SEMA3A: variants seen among roughly 807,000 people sequenced by gnomAD.
SEMA3A encodes the protein semaphorin-3A.
A neutral mutation model predicts 97.9 loss-of-function variants in SEMA3A; 29 were observed. That is an observed-to-expected ratio of 0.30 (90% CI 0.22 to 0.40). The LOEUF (loss-of-function observed/expected upper bound fraction) is 0.40. SEMA3A is among the 10% of genes least tolerant of loss of function. The probability of loss-of-function intolerance (pLI) is 1.00; values close to 1 mark genes in which losing one functional copy is unlikely to be tolerated. For synonymous variants in SEMA3A, 321 were observed against 323.7 expected, an observed-to-expected ratio of 0.99 and a Z score of 0.09; for missense variants, 763 against 951.3, an observed-to-expected ratio of 0.80 and a Z score of 2.60.
intron 3 of SEMA3A, among the ~76,000 whole-genome samples, chr7:84,262,498 G>A (rs756136851): frequency 8.1e-4 from 124 of 152,180 alleles, no homozygotes; most frequent in Non-Finnish European, 7.8e-4. Context: ...ACAGGTGTAA[G>A]CCACCATGCC....
intron 4 of SEMA3A, among the ~76,000 whole-genome samples, chr7:84,064,643 T>G (rs1488144153): frequency 1.0e-3 from 151 of 146,340 alleles, no homozygotes; most frequent in African/African-American, 3.3e-3. Flanking sequence ...AAACAGACTT[T>G]AAACCAACAA....
intron 3 of SEMA3A, among the ~76,000 whole-genome samples, chr7:84,289,816 A>G (rs776822522): frequency 1.3e-5 from 2 of 152,168 alleles, no homozygotes; most frequent in Non-Finnish European, 2.9e-5. Flanking sequence ...AAAAGCTTAT[A>G]CATGAATATT....
At chr7:84,366,508 A>G (rs1038888843) in intron 2 of SEMA3A, among the ~76,000 whole-genome samples, 5 of 151,404 alleles carry the variant, frequency 3.3e-5, no homozygotes, top group Non-Finnish European at 5.9e-5. Context: ...GCTATAATCA[A>G]GTTTCTAAGC....
At chr7:84,045,057 T>C (rs568917898) in intron 6 of SEMA3A, among the ~76,000 whole-genome samples, 6 of 151,956 alleles carry the variant, frequency 3.9e-5, no homozygotes, top group African/African-American at 1.4e-4. Context: ...CTTTGAAGTA[T>C]AGGATCGATC....
intron 4 of SEMA3A, among the ~76,000 whole-genome samples, chr7:84,068,577 G>A (rs1456809999): frequency 3.9e-5 from 6 of 152,172 alleles, no homozygotes; most frequent in African/African-American, 9.6e-5. Flanking sequence ...GCAGCAGAAC[G>A]AAGTGGTAGT....
intron 1 of SEMA3A, among the ~76,000 whole-genome samples, chr7:84,398,707 C>G (rs879717508): frequency 6.6e-6 from 1 of 151,816 alleles, no homozygotes; most frequent in African/African-American, 2.4e-5. Context: ...ACTCAGGAGG[C>G]TGAGGAAGGA....
Position 84,373,676 on chromosome 7 carries a change from A to G in SEMA3A, c.-245-1776T>C, listed in dbSNP as rs529116954. On this transcript the variant is annotated intron_variant, in intron 1 of 3. Transcript: ENST00000424555. ...TAGAATTGCAATAATACAACCAAGGATATAAGCCCAAATGTGCTACATATA... is the reference window on the plus strand; with the variant it reads ...TAGAATTGCAATAATACAACCAAGGGTATAAGCCCAAATGTGCTACATATA... Among the ~76,000 whole-genome samples, 3 of 152,350 alleles carry G rather than the reference A, an allele frequency of 2.0e-5. No individual in the cohort carries two copies. In the South Asian group the frequency reaches 6.2e-4, roughly 32 times the overall value.
At chr7:84,344,012 A>G (rs7456855) in intron 2 of SEMA3A, among the ~76,000 whole-genome samples, 68,539 of 147,998 alleles carry the variant, frequency 0.46, 15,791 homozygotes, top group South Asian at 0.58. Context: ...TGTTTCGGGG[A>G]AAAAAAAAAA....
chr7:84,282,654 C>T (rs1800469433), intron 3 of SEMA3A, among the ~76,000 whole-genome samples: 1 of 152,036 alleles, frequency 6.6e-6, no homozygotes, highest in African/African-American at 2.4e-5. Flanking sequence ...CTATTAATAG[C>T]TGTGCTCTCT....
At chr7:84,174,790 C>G (rs1051939965) in intron 1 of SEMA3A, among the ~76,000 whole-genome samples, 1 of 152,046 alleles carries the variant, frequency 6.6e-6, no homozygotes, top group Non-Finnish European at 1.5e-5. Flanking sequence ...GTAGTCAATA[C>G]GCTTAGAAGA....
At chr7:84,297,929 A>G (rs1800908871) in intron 3 of SEMA3A, among the ~76,000 whole-genome samples, 1 of 152,224 alleles carries the variant, frequency 6.6e-6, no homozygotes, top group African/African-American at 2.4e-5. Context: ...TAACATGAGT[A>G]ATGAAATCTG....
intron 12 of SEMA3A, among the ~76,000 whole-genome samples, chr7:83,986,365 A>C (rs1789635201): frequency 6.6e-6 from 1 of 152,216 alleles, no homozygotes; most frequent in Admixed American, 6.5e-5. Context: ...AACATAGAGG[A>C]GTAATAACTA....
chr7:84,023,413 A>G (rs1791397162), intron 6 of SEMA3A, among the ~76,000 whole-genome samples: 1 of 152,208 alleles, frequency 6.6e-6, no homozygotes. Flanking sequence ...TGATTAATTA[A>G]GGCATTTGGG....
At chr7:84,340,408 T>A (rs924578609) in intron 2 of SEMA3A, among the ~76,000 whole-genome samples, 22 of 152,178 alleles carry the variant, frequency 1.4e-4, no homozygotes, top group African/African-American at 5.1e-4. Context: ...GATATAGATA[T>A]AAATACTTTG....
At chr7:84,127,165 C>T (rs543599605) in intron 3 of SEMA3A, among the ~76,000 whole-genome samples, 5 of 152,010 alleles carry the variant, frequency 3.3e-5, no homozygotes, top group East Asian at 1.9e-4. Flanking sequence ...CCTGACTTTC[C>T]GATTTCCATG....
chr7:84,029,405 TTA>T (rs1394877205), intron 6 of SEMA3A, among the ~76,000 whole-genome samples: 1 of 152,150 alleles, frequency 6.6e-6, no homozygotes, highest in East Asian at 1.9e-4. Flanking sequence ...AAATAATGAT[TTA>T]GAGATTTGTA....
chr7:84,221,746 G>T (rs1348765422), intron 3 of SEMA3A, among the ~76,000 whole-genome samples: 3 of 151,862 alleles, frequency 2.0e-5, no homozygotes, highest in Non-Finnish European at 4.4e-5. Flanking sequence ...ATAGTTTATG[G>T]CATCCCAAAA....
chr7:84,383,058 A>G (rs1584279612), intron 1 of SEMA3A, among the ~76,000 whole-genome samples: 1 of 152,182 alleles, frequency 6.6e-6, no homozygotes, highest in East Asian at 1.9e-4. Flanking sequence ...TTATGTCATT[A>G]TTCATTTTTA....
At position 84,079,441 on chromosome 7, in the gene SEMA3A, G is replaced by C. The variant is rs565935006; in HGVS notation, c.454-18883C>G. On this transcript the variant is annotated intron_variant, in intron 4 of 16. Transcript: ENST00000265362. ...ACCTACAAAATGGGAGAAAATTTTC[G>C]CAACCTACTCATCTGACAAAAGGCT... Among the ~76,000 whole-genome samples, 25 of 150,426 alleles carry C rather than the reference G, an allele frequency of 1.7e-4. 1 individual carries two copies. In the East Asian group the frequency reaches 4.5e-3, roughly 27 times the overall value.
Sources: gnomAD v4.1 joint callset for allele counts (sites outside exome capture counted in the v4.1 genomes callset) on GRCh38, gnomAD v4.1.1 for gene constraint, MANE v1.5 for transcripts, NCBI Gene and HGNC (gene_info 2026-07-23, HGNC 2026-07-21) for gene names.